GPX5: variants seen among roughly 807,000 people sequenced by gnomAD.
GPX5 encodes the protein epididymal secretory glutathione peroxidase.
Under a neutral mutation model 23.8 loss-of-function variants are expected in GPX5, and 20 were observed. The ratio of observed to expected loss-of-function variants is 0.84; its 90% confidence interval spans 0.59 to 1.22. The LOEUF is 1.22. GPX5 is among the 50% of genes most tolerant of loss of function. GPX5 has a pLI of 0.00. For synonymous variants in GPX5, 92 were observed against 99.5 expected (o/e 0.92, Z 0.45); for missense variants, 230 against 266.6 (o/e 0.86, Z 0.96).
rs780349667 is a variant in GPX5 at position 28,534,102 on chromosome 6, C to A, written c.601C>A (p.Arg201=). 1 of 1,611,376 alleles carries A rather than the reference C, an allele frequency of 6.2e-7. No individual in the cohort carries two copies. Among genetic ancestry groups the A allele is most frequent in the Non-Finnish European group, 8.5e-7 (1 of 1,178,980 alleles). ...AATCCCTGTCATGCGCTGGTCCCACCGGGCTACGGTCAGCTCAGTCAAGAC... is the reference window on the plus strand; with the variant it reads ...AATCCCTGTCATGCGCTGGTCCCACAGGGCTACGGTCAGCTCAGTCAAGAC... The part of the protein sequence containing the change: ...DGIPVMRWSH[R]ATVSSVKTDI... The change falls in exon 5 of 5, where the codon CGG becomes AGG. Residue 201 remains arginine, a synonymous_variant. Transcript: ENST00000412168.
rs1333862394 is a variant in GPX5, at chr6:28,530,564, C to A, written c.241+960C>A. ...TAGATATTCTTGTTTCTGCTCCCCC[C>A]TCCCCAGCTGATAACACACAATAAA... On this transcript the variant is annotated intron_variant, in intron 2 of 4. Coordinates refer to ENST00000412168, the MANE Select transcript of GPX5 (RefSeq NM_001509.3). Among the ~76,000 whole-genome samples the A allele has an allele frequency of 5.9e-5, 9 of 152,184 alleles. 1 individual carries two copies. The South Asian group carries it at 1.5e-3, about 25-fold the overall frequency.
At chr6:28,526,154 C>A in intron 1 of GPX5, 54 bp downstream of exon 1, 2 of 1,289,114 alleles carry the variant, frequency 1.6e-6, no homozygotes, top group African/African-American at 1.5e-5. Flanking sequence ...TACTTCTAGA[C>A]CCTGCCCTCC....
rs752846831 is a variant in GPX5 at position 28,529,599 on chromosome 6, A to C, written c.236A>C (p.Tyr79Ser). The change falls in exon 2 of 5, where the codon TAT becomes TCT. Residue 79 changes from tyrosine (Y) to serine (S), a missense_variant. Tyr to Ser is a moderately radical substitution (Grantham distance 144). Coordinates refer to ENST00000412168, the MANE Select transcript of GPX5 (RefSeq NM_001509.3). ...VATYCGLTAQ[Y>S]PELNALQEEL... ...ACCTACTGTGGTCTGACAGCGCAATATCCTGGTAAGAGAATTCATAGTTAC... is the reference window on the plus strand; with the variant it reads ...ACCTACTGTGGTCTGACAGCGCAATCTCCTGGTAAGAGAATTCATAGTTAC... 3.1e-6 allele frequency: 5 copies of C among 1,604,450 alleles called. No homozygotes were observed. Among genetic ancestry groups the C allele is most frequent in the African/African-American group, 1.3e-5 (1 of 74,644 alleles).
At position 28,531,370 on chromosome 6, in the gene GPX5, CAAAAAAA is replaced by C. The variant is rs1193939654; in HGVS notation, c.242-391_242-385del. 0.015 allele frequency among the ~76,000 whole-genome samples: 763 copies of C among 50,062 alleles called. 15 individuals are homozygous for C. In the Middle Eastern group the frequency reaches 0.15, roughly 10 times the overall value. The allele number at this position is 50,062 out of a possible 152,430, so 32.8% of individuals were successfully genotyped here. On this transcript the variant is annotated intron_variant, in intron 2 of 4. Coordinates refer to ENST00000412168, the MANE Select transcript of GPX5 (RefSeq NM_001509.3). Reference sequence around the variant, plus strand: ...TGGGCGACAGAGTGAGAATCTGTCTCAAAAAAAAAAAAAAAAAAAAAAAGAAAAGAAA... The same window carrying C: ...TGGGCGACAGAGTGAGAATCTGTCTCAAAAAAAAAAAAAAAAGAAAAGAAA...
chr6:28,533,655 C>T (rs1159276), intron 4 of GPX5, among the ~76,000 whole-genome samples: 1 of 152,140 alleles, frequency 6.6e-6, no homozygotes, highest in African/African-American at 2.4e-5. Flanking sequence ...ACATTCCAAT[C>T]CAAGCTATTT....
chr6:28,531,983 GAGGTATGGATT>G, intron 3 of GPX5, 88 bp downstream of exon 3: 1 of 938,886 alleles, frequency 1.1e-6, no homozygotes, highest in East Asian at 2.4e-5. Flanking sequence ...ACTTTCTGGG[GAGGTATGGATT>G]AATAGGCTCA....
At chr6:28,528,027 A>G (rs1443375947) in intron 1 of GPX5, 1 of 152,236 alleles carries the variant, frequency 6.6e-6, no homozygotes, top group Non-Finnish European at 1.5e-5. Context: ...TTGAGAAGGA[A>G]TGGGATAGGT....
chr6:28,532,859 A>G (rs918025618), intron 4 of GPX5, among the ~76,000 whole-genome samples: 30 of 152,202 alleles, frequency 2.0e-4, no homozygotes, highest in African/African-American at 6.5e-4. Context: ...CATGCCTATA[A>G]TCCCAGCACT....
intron 1 of GPX5, among the ~76,000 whole-genome samples, chr6:28,526,330 T>G (rs1479650332): frequency 6.6e-6 from 1 of 152,060 alleles, no homozygotes; most frequent in Non-Finnish European, 1.5e-5. Flanking sequence ...GAAGAAAGGG[T>G]CTCCATACCT....
chr6:28,532,918 A>C (rs916290411), intron 4 of GPX5, among the ~76,000 whole-genome samples: 1 of 152,170 alleles, frequency 6.6e-6, no homozygotes, highest in Non-Finnish European at 1.5e-5. Flanking sequence ...CAGGAGTTCA[A>C]GACTAGCCTG....
rs1763375380 is a variant in GPX5, at chr6:28,533,996, A to T, written c.495A>T (p.Thr165=). The T allele has an allele frequency of 1.2e-6, 2 of 1,603,920 alleles. No individual in the cohort carries two copies. The highest frequency in any genetic ancestry group is 2.7e-5 in the African/African-American group (2 of 74,574). The part of the protein sequence containing the change: ...SCPHPSEILG[T]FKSISWDPVK... ...CTCATCCCTCTGAGATTTTGGGCAC[A>T]TTCAAATCTATATCCTGGGACCCTG... The change falls in exon 5 of 5, where the codon ACA becomes ACT. Residue 165 remains threonine, a synonymous_variant. Coordinates refer to ENST00000412168, the MANE Select transcript of GPX5 (RefSeq NM_001509.3).
At position 28,534,689 on chromosome 6, in the gene GPX5, C is replaced by T. The variant is rs771545001; in HGVS notation, c.*522C>T. On this transcript the variant is annotated 3_prime_UTR_variant, in exon 5 of 5. Coordinates refer to ENST00000412168, the MANE Select transcript of GPX5 (RefSeq NM_001509.3). The stretch of plus-strand genomic sequence containing the variant: ...CTCAGTTTTCATCCATGACACCTCC[C>T]CCTACCAGCCATTCTCCTGTGGGAG... 2.6e-5 allele frequency: 4 copies of T among 152,460 alleles called. No homozygotes were observed. Among genetic ancestry groups the T allele is most frequent in the Non-Finnish European group, 5.9e-5 (4 of 68,254 alleles). The allele number at this position is 152,460 out of a possible 1,614,324, so 9.4% of individuals were successfully genotyped here. A position where few individuals can be genotyped will look rare whatever the true frequency, so the allele number is the denominator to read the frequency against.
intron 3 of GPX5, 88 bp downstream of exon 3, chr6:28,531,983 G>A (rs1013923736): frequency 1.1e-5 from 10 of 938,886 alleles, no homozygotes; most frequent in Admixed American, 7.5e-5. Flanking sequence ...ACTTTCTGGG[G>A]AGGTATGGAT....
At chr6:28,530,348 A>G (rs1562009964) in intron 2 of GPX5, among the ~76,000 whole-genome samples, 1 of 152,178 alleles carries the variant, frequency 6.6e-6, no homozygotes, top group Non-Finnish European at 1.5e-5. Context: ...ATCAGGATGG[A>G]TTATACCAGA....
chr6:28,528,726 A>G lies in GPX5; in HGVS notation c.88-725A>G, dbSNP rs189496236. 5.3e-5 allele frequency: 8 copies of G among 151,124 alleles called. No homozygotes were observed. In the East Asian group the frequency reaches 1.6e-3, roughly 29 times the overall value. 9.4% of individuals were successfully genotyped at this position (151,124 alleles called of 1,614,324 possible). ...CTGGTATCTCACAGCTTTCAAAATA[A>G]TAGGAAACTTGATTCTTATGTGTGT... On this transcript the variant is annotated intron_variant, in intron 1 of 4. Transcript: ENST00000412168.
chr6:28,529,560 T>A lies in GPX5; in HGVS notation c.197T>A (p.Phe66Tyr). The A allele has an allele frequency of 6.2e-7, 1 of 1,612,752 alleles. No individual in the cohort carries two copies. Among genetic ancestry groups the A allele is most frequent in the Non-Finnish European group, 8.5e-7 (1 of 1,179,076 alleles). ...CAGTATGTGGGCAAGCACATCCTCTTCGTCAACGTGGCCACCTACTGTGGT... is the reference window on the plus strand; with the variant it reads ...CAGTATGTGGGCAAGCACATCCTCTACGTCAACGTGGCCACCTACTGTGGT... ...FKQYVGKHIL[F>Y]VNVATYCGLT... Residue 66 changes from phenylalanine to tyrosine, a missense_variant, in exon 2 of 5, where the codon TTC (phenylalanine) becomes TAC (tyrosine). Transcript: ENST00000412168.
At chr6:28,530,188 G>A (rs868328028) in intron 2 of GPX5, 1 of 152,152 alleles carries the variant, frequency 6.6e-6, no homozygotes, top group Non-Finnish European at 1.5e-5. Flanking sequence ...TAGAGTGAGG[G>A]CTGGCGGATG....
At chr6:28,526,855 T>C (rs1763218291) in intron 1 of GPX5, among the ~76,000 whole-genome samples, 2 of 152,220 alleles carry the variant, frequency 1.3e-5, no homozygotes, top group Admixed American at 1.3e-4. Context: ...CATTGTAAAT[T>C]TATGGGTAAC....
Position 28,534,156 on chromosome 6 carries a change from A to C in GPX5, c.655A>C (p.Lys219Gln). ...CATCCTGGCGTACTTGAAGCAATTCAAAACCAAATAGGAAGGTGGAGTTAA... is the reference window on the plus strand; with the variant it reads ...CATCCTGGCGTACTTGAAGCAATTCCAAACCAAATAGGAAGGTGGAGTTAA... ...TDILAYLKQF[K>Q]TK The change falls in exon 5 of 5, where the codon AAA (lysine) becomes CAA (glutamine). Residue 219 changes from lysine (K) to glutamine (Q), a missense_variant. Coordinates refer to ENST00000412168, the MANE Select transcript of GPX5 (RefSeq NM_001509.3). 6.3e-7 allele frequency: 1 copy of C among 1,587,988 alleles called. No individual in the cohort carries two copies.
Sources: allele counts gnomAD v4.1 joint callset (sites outside exome capture counted in the v4.1 genomes callset), GRCh38; gene constraint gnomAD v4.1.1; transcripts MANE v1.5; gene names NCBI Gene and HGNC (gene_info 2026-07-23, HGNC 2026-07-21).